Variants in DNAH10 observed in about 807,000 individuals in gnomAD.
DNAH10 encodes the protein dynein axonemal heavy chain 10, also known as axonemal beta dynein heavy chain 10.
DNAH10 carries 348 observed loss-of-function variants against 506.6 expected under a neutral mutation model. That is an observed-to-expected ratio of 0.69 (90% confidence interval 0.63 to 0.75). DNAH10 has a LOEUF of 0.75. Ranked by LOEUF, DNAH10 falls within the 30% of genes least tolerant of loss-of-function variation. DNAH10 has a pLI of 0.00. For synonymous variants in DNAH10, 2,059 were observed against 2,198.6 expected (o/e 0.94, Z 1.78); for missense variants, 5,179 against 5,787.1 (o/e 0.89, Z 3.41).
intron 28 of DNAH10, among the ~76,000 whole-genome samples, chr12:123,837,299 G>A (rs1961261416): frequency 1.3e-5 from 2 of 150,258 alleles, no homozygotes; most frequent in South Asian, 2.1e-4. Context: ...AACTGAGATC[G>A]TGACACCACT....
intron 59 of DNAH10, among the ~76,000 whole-genome samples, 180 bp downstream of exon 59, chr12:123,910,852 T>A (rs1285577258): frequency 2.0e-5 from 3 of 151,100 alleles, no homozygotes; most frequent in Non-Finnish European, 2.9e-5. Context: ...TTAGGCATAG[T>A]GTGGGTGGTG....
intron 12 of DNAH10, among the ~76,000 whole-genome samples, chr12:123,795,556 C>T (rs1361458067): frequency 6.6e-6 from 1 of 152,198 alleles, no homozygotes; most frequent in African/African-American, 2.4e-5. Flanking sequence ...CTGCCTCCTC[C>T]TTCCTGTTTT....
At chr12:123,921,142 T>C (rs74488325) in intron 65 of DNAH10, among the ~76,000 whole-genome samples, 8,615 of 152,264 alleles carry the variant, frequency 0.057, 746 homozygotes, top group African/African-American at 0.18. Flanking sequence ...CTGAATTTTG[T>C]GCTCGCCTCT....
At position 123,853,475 on chromosome 12, in the gene DNAH10, T is replaced by A; in HGVS notation, c.6438+123T>A. On this transcript the variant is annotated intron_variant, in intron 36 of 78. Coordinates refer to ENST00000673944, the MANE Select transcript of DNAH10 (RefSeq NM_001372106.1). The surrounding 1 kb of genome is among the most constrained non-coding windows in gnomAD (Gnocchi z 4.7). ...AAAGGTTTAAGTCTTAGCTGCCTCTTCACCCCGCGGTCTGGCCTTACTTTG... is the reference window on the plus strand; with the variant it reads ...AAAGGTTTAAGTCTTAGCTGCCTCTACACCCCGCGGTCTGGCCTTACTTTG... 2.3e-6 allele frequency: 3 copies of A among 1,289,638 alleles called. No individual in the cohort carries two copies. The highest frequency in any genetic ancestry group is 3.1e-6 in the Non-Finnish European group (3 of 974,926). 79.9% of individuals were successfully genotyped at this position (1,289,638 alleles called of 1,614,324 possible). A position where few individuals can be genotyped will look rare whatever the true frequency, so the allele number is the denominator to read the frequency against.
intron 47 of DNAH10, 105 bp downstream of exon 47, chr12:123,875,596 A>C: frequency 7.2e-7 from 1 of 1,380,338 alleles, no homozygotes; most frequent in Non-Finnish European, 9.9e-7. Flanking sequence ...TAGGGCCCTC[A>C]ATACTTTTAA....
At chr12:123,884,709 G>T (rs1952656374) in intron 51 of DNAH10, among the ~76,000 whole-genome samples, 1 of 152,154 alleles carries the variant, frequency 6.6e-6, no homozygotes, top group East Asian at 1.9e-4. Context: ...GTGTGTGTGT[G>T]TGGGGAGAAC....
rs201061086 is a variant in DNAH10 at position 123,879,841 on chromosome 12, C to T, written c.8634+40C>T. ...CACCCTGTCCATGGGCTCACTTTCT[C>T]CTGAGCATGGGCCAAGCGGGAGCTG... On this transcript the variant is annotated intron_variant, in intron 50 of 78. Transcript: ENST00000673944. 6.4e-5 allele frequency: 103 copies of T among 1,601,588 alleles called. 1 individual carries two copies. The African/African-American group carries it at 6.6e-4, about 10-fold the overall frequency.
intron 73 of DNAH10, among the ~76,000 whole-genome samples, 163 bp from the exon 74 acceptor site, chr12:123,931,178 G>A (rs1955188292): frequency 6.6e-6 from 1 of 151,850 alleles, no homozygotes; most frequent in Non-Finnish European, 1.5e-5. Flanking sequence ...CCATGTCAGT[G>A]CACTTCAGCC....
chr12:123,883,349 C>T (rs978351687), intron 51 of DNAH10, among the ~76,000 whole-genome samples: 1 of 152,248 alleles, frequency 6.6e-6, no homozygotes, highest in Non-Finnish European at 1.5e-5. Context: ...TGTTTGTCCA[C>T]ACCATTCTTA....
intron 49 of DNAH10, 123 bp downstream of exon 49, chr12:123,879,480 A>T: frequency 7.1e-7 from 1 of 1,408,922 alleles, no homozygotes; most frequent in Middle Eastern, 1.9e-4. Context: ...AATGGGGCAA[A>T]GGAGGGTGGG....
chr12:123,924,151 C>G, intron 66 of DNAH10, 127 bp from the exon 67 acceptor site: 1 of 1,303,222 alleles, frequency 7.7e-7, no homozygotes. Context: ...CAAGCCTGGG[C>G]CACTTCCTGT....
intron 21 of DNAH10, among the ~76,000 whole-genome samples, chr12:123,814,559 T>C (rs1488274428): frequency 1.3e-5 from 2 of 151,684 alleles, no homozygotes; most frequent in Non-Finnish European, 2.9e-5. Flanking sequence ...GATTTATTCA[T>C]AGCAATTTGT....
chr12:123,790,194 A>G (rs1337387570), intron 11 of DNAH10, 73 bp downstream of exon 11: 2 of 1,446,668 alleles, frequency 1.4e-6, no homozygotes, highest in African/African-American at 2.9e-5. Context: ...TTGTTGGGTT[A>G]TTTAGTGATG....
At chr12:123,805,626 G>A (rs2136300863) in intron 18 of DNAH10, among the ~76,000 whole-genome samples, 1 of 152,290 alleles carries the variant, frequency 6.6e-6, no homozygotes, top group South Asian at 2.1e-4. Flanking sequence ...AAACCAGCCT[G>A]TGAAATCCAT....
In DNAH10 at chr12:123,801,140, G is replaced by A. The variant is rs1958467154; in HGVS notation, c.2463-141G>A. On this transcript the variant is annotated intron_variant, in intron 15 of 78. Coordinates refer to ENST00000673944, the MANE Select transcript of DNAH10 (RefSeq NM_001372106.1). Reference sequence around the variant, plus strand: ...AAAAAAGAAAGTTAATGAGAAGAGTGATGTTTTAAATTTCTGCAAATCTCT... The same window carrying A: ...AAAAAAGAAAGTTAATGAGAAGAGTAATGTTTTAAATTTCTGCAAATCTCT... 3.7e-6 allele frequency: 3 copies of A among 817,262 alleles called. No individual in the cohort carries two copies. The South Asian group carries it at 7.5e-5, about 20-fold the overall frequency. 50.6% of individuals were successfully genotyped at this position (817,262 alleles called of 1,614,324 possible). A position where few individuals can be genotyped will look rare whatever the true frequency, so the allele number is the denominator to read the frequency against.
chr12:123,928,561 A>T lies in DNAH10; in HGVS notation c.12280A>T (p.Ile4094Phe), dbSNP rs1439943491. 6.2e-7 allele frequency: 1 copy of T among 1,607,060 alleles called. No individual in the cohort carries two copies. Among genetic ancestry groups the T allele is most frequent in the Admixed American group, 1.7e-5 (1 of 59,232 alleles). ...CACGGACCCCACCAAGGGCTTCCCC[A>T]TTGGGATTCTGCAGAAGTCCCTAAA... Reference protein sequence around the residue: ...LTTDPTKGFPIGILQKSLKVV... With the variant: ...LTTDPTKGFPFGILQKSLKVV... The change falls in exon 70 of 79, where the codon ATT becomes TTT. Residue 4094 changes from isoleucine to phenylalanine, a missense_variant. Transcript: ENST00000673944. This position sits in a 1 kb window ranked among gnomAD's most constrained non-coding sequence, Gnocchi z 4.9.
rs1251190023 is a variant in DNAH10 at position 123,870,465 on chromosome 12, G to A, written c.7619G>A (p.Arg2540Lys). 12 of 1,613,536 alleles carry A rather than the reference G, an allele frequency of 7.4e-6. No homozygotes were observed. The highest frequency in any genetic ancestry group is 1.0e-5 in the Non-Finnish European group (12 of 1,179,846). The change falls in exon 44 of 79, where the codon AGG becomes AAG. Residue 2540 changes from arginine to lysine, a missense_variant. By Grantham distance (26) the Arg-to-Lys change is conservative (BLOSUM62 2). Coordinates refer to ENST00000673944, the MANE Select transcript of DNAH10 (RefSeq NM_001372106.1). The stretch of plus-strand genomic sequence containing the variant: ...CCAGAGTATATTCATGCCCCCGAGA[G>A]GAAATTCATCAACATCCTGGGTAAG... ...LVPEYIHAPERKFINILVHTV... is the reference protein window; with the variant it reads ...LVPEYIHAPEKKFINILVHTV...
chr12:123,845,289 C>T (rs1594175085), intron 30 of DNAH10, among the ~76,000 whole-genome samples: 4 of 152,190 alleles, frequency 2.6e-5, no homozygotes, highest in South Asian at 4.1e-4. Context: ...TGAGCTACCA[C>T]GACTGGCCCC....
intron 48 of DNAH10, among the ~76,000 whole-genome samples, chr12:123,878,530 G>T (rs1952360346): frequency 6.6e-6 from 1 of 152,184 alleles, no homozygotes; most frequent in Non-Finnish European, 1.5e-5. Context: ...GGTGTTTCAG[G>T]TGGAGTGACG....
Sources: gnomAD v4.1 joint callset for allele counts (sites outside exome capture counted in the v4.1 genomes callset) on GRCh38, gnomAD v4.1.1 for gene constraint, Gnocchi (gnomAD v3.1) non-coding constraint, MANE v1.5 for transcripts, NCBI Gene and HGNC (gene_info 2026-07-23, HGNC 2026-07-21) for gene names.